The following SAMD4A variants were observed in gnomAD, a reference collection of about 807,000 sequenced individuals.
SAMD4A encodes sterile alpha motif domain containing 4A, also known as protein Smaug homolog 1.
A neutral mutation model predicts 81.3 loss-of-function variants in SAMD4A; 33 were observed. The observed-to-expected ratio is 0.41, with a 90% CI of 0.31 to 0.54. The LOEUF (loss-of-function observed/expected upper bound fraction) is 0.54, where lower values mean the gene tolerates loss of function less well. Ranked by LOEUF, SAMD4A falls within the 20% of genes least tolerant of loss-of-function variation. SAMD4A has a pLI of 0.37. For synonymous variants in SAMD4A, 389 were observed against 382.1 expected (o/e 1.02, Z -0.21); for missense variants, 854 against 951.1 (o/e 0.90, Z 1.34).
chr14:54,582,540 C>T (rs2033498590), intron 2 of SAMD4A, among the ~76,000 whole-genome samples: 1 of 152,180 alleles, frequency 6.6e-6, no homozygotes, highest in African/African-American at 2.4e-5. Context: ...TGGATTGACA[C>T]TGCCATGTTA....
intron 8 of SAMD4A, among the ~76,000 whole-genome samples, chr14:54,769,034 C>T (rs1219650257): frequency 1.3e-5 from 2 of 152,212 alleles, no homozygotes; most frequent in South Asian, 2.1e-4. Flanking sequence ...AAAACTGCTT[C>T]GGAAACTTCT....
At chr14:54,747,342 AT>A (rs1029556196) in intron 4 of SAMD4A, among the ~76,000 whole-genome samples, 16 of 152,352 alleles carry the variant, frequency 1.1e-4, no homozygotes, top group Admixed American at 7.8e-4. Flanking sequence ...CAGGCCCATC[AT>A]CCCCACCTAA....
chr14:54,754,826 T>C, intron 6 of SAMD4A: 1 of 988,044 alleles, frequency 1.0e-6, no homozygotes, highest in Non-Finnish European at 1.2e-6. Flanking sequence ...GCAGAGCTCT[T>C]TTGTTCAGTT....
At chr14:54,768,218 G>A (rs189956653) in intron 8 of SAMD4A, among the ~76,000 whole-genome samples, 5 of 152,286 alleles carry the variant, frequency 3.3e-5, no homozygotes, top group East Asian at 1.9e-4. Flanking sequence ...AATACTTAAC[G>A]CGATGAACAG....
At chr14:54,779,970 A>T (rs2038959741) in intron 11 of SAMD4A, among the ~76,000 whole-genome samples, 1 of 152,100 alleles carries the variant, frequency 6.6e-6, no homozygotes. Context: ...TTGCTTGGAG[A>T]GGGATCCTTT....
At chr14:54,739,050 C>CTTTTCTTT (rs2037775323) in intron 4 of SAMD4A, among the ~76,000 whole-genome samples, 2 of 50,058 alleles carry the variant, frequency 4.0e-5, no homozygotes, top group South Asian at 1.6e-3. Context: ...TCTTTCTTTC[C>CTTTTCTTT]TTTTCTTTTT....
chr14:54,666,468 T>C (rs571189415), intron 2 of SAMD4A, among the ~76,000 whole-genome samples: 13 of 152,240 alleles, frequency 8.5e-5, no homozygotes, highest in African/African-American at 3.1e-4. Context: ...CGGCCCTCCA[T>C]ATGTGTGGAT....
At chr14:54,677,261 T>C (rs2036012872) in intron 2 of SAMD4A, among the ~76,000 whole-genome samples, 1 of 152,238 alleles carries the variant, frequency 6.6e-6, no homozygotes, top group South Asian at 2.1e-4. Context: ...ACCAAATTGG[T>C]CATGGTGTTA....
chr14:54,607,619 C>G (rs1159829624), intron 2 of SAMD4A, among the ~76,000 whole-genome samples: 2 of 151,818 alleles, frequency 1.3e-5, no homozygotes, highest in African/African-American at 2.4e-5. Flanking sequence ...CCATGCCCGG[C>G]TAATTTTTCT....
Position 54,760,197 on chromosome 14 carries a change from C to G in SAMD4A, c.1213C>G (p.Gln405Glu). 1.2e-6 allele frequency: 2 copies of G among 1,613,280 alleles called. No individual in the cohort carries two copies. Among genetic ancestry groups the G allele is most frequent in the Non-Finnish European group, 1.7e-6 (2 of 1,179,916 alleles). ...IEGGSLRIPL[Q>E]ELHQMILTPI... ...GGGGGGCAGCCTGCGCATCCCGCTC[C>G]AGGAACTGCACCAGATGATCCTGAC... Residue 405 changes from glutamine (Q) to glutamate (E), a missense_variant, in exon 7 of 13, where the codon CAG (glutamine) becomes GAG (glutamate). Transcript: ENST00000554335.
chr14:54,597,004 G>A (rs1186542828), intron 2 of SAMD4A, among the ~76,000 whole-genome samples: 2 of 152,010 alleles, frequency 1.3e-5, no homozygotes, highest in Non-Finnish European at 2.9e-5. Flanking sequence ...ATGCAGAAGT[G>A]TTTTGTTTCA....
At chr14:54,637,048 G>A (rs1332919967) in intron 2 of SAMD4A, among the ~76,000 whole-genome samples, 12 of 152,030 alleles carry the variant, frequency 7.9e-5, no homozygotes, top group Admixed American at 7.9e-4. Context: ...CACAGACTAA[G>A]AACTGAGTCA....
chr14:54,678,671 C>G (rs1318682587), intron 2 of SAMD4A, among the ~76,000 whole-genome samples: 1 of 150,980 alleles, frequency 6.6e-6, no homozygotes, highest in Non-Finnish European at 1.5e-5. Flanking sequence ...GCCTCAGCCT[C>G]CTGAGTAGCT....
At chr14:54,726,256 A>G (rs2037413004) in intron 3 of SAMD4A, among the ~76,000 whole-genome samples, 3 of 152,160 alleles carry the variant, frequency 2.0e-5, no homozygotes, top group Admixed American at 1.3e-4. Flanking sequence ...GACCACAACA[A>G]GAGGCAAGCA....
intron 2 of SAMD4A, among the ~76,000 whole-genome samples, chr14:54,684,559 T>C (rs2036205324): frequency 6.6e-6 from 1 of 151,978 alleles, no homozygotes; most frequent in Non-Finnish European, 1.5e-5. Context: ...AGTGGGTTGC[T>C]GATAAGAGGC....
rs182412182 is a variant in SAMD4A at position 54,674,913 on chromosome 14, G to T, written c.197-27149G>T. Among the ~76,000 whole-genome samples, 158 of 152,202 alleles carry T rather than the reference G, an allele frequency of 1.0e-3. 1 individual carries two copies. The highest frequency in any genetic ancestry group is 3.6e-3 in the African/African-American group (151 of 41,542). On this transcript the variant is annotated intron_variant, in intron 2 of 12. Coordinates refer to ENST00000554335, the MANE Select transcript of SAMD4A (RefSeq NM_015589.6). Reference sequence around the variant, plus strand: ...TTAGGCCCGTGCCATGATGCCCAGCGAATTTTGAAATTTATTTTTTGTAGA... The same window carrying T: ...TTAGGCCCGTGCCATGATGCCCAGCTAATTTTGAAATTTATTTTTTGTAGA...
intron 2 of SAMD4A, among the ~76,000 whole-genome samples, chr14:54,681,626 C>T (rs2036130932): frequency 6.6e-6 from 1 of 152,126 alleles, no homozygotes; most frequent in African/African-American, 2.4e-5. Context: ...GAGATGGTAT[C>T]TCCCTATGTT....
chr14:54,691,807 C>A (rs1201437529), intron 2 of SAMD4A, among the ~76,000 whole-genome samples: 2 of 152,216 alleles, frequency 1.3e-5, no homozygotes, highest in Non-Finnish European at 2.9e-5. Context: ...CCAGGGTCAC[C>A]CAACTCTGTC....
chr14:54,743,618 C>A (rs2037896130), intron 4 of SAMD4A, among the ~76,000 whole-genome samples: 1 of 151,074 alleles, frequency 6.6e-6, no homozygotes, highest in African/African-American at 2.4e-5. Flanking sequence ...CTAACGGAAA[C>A]TGCGGGGAGA....
Sources: allele counts gnomAD v4.1 joint callset (sites outside exome capture counted in the v4.1 genomes callset), GRCh38; gene constraint gnomAD v4.1.1; transcripts MANE v1.5; gene names NCBI Gene and HGNC (gene_info 2026-07-23, HGNC 2026-07-21).